The following FBXL13 variants were observed in gnomAD, a reference collection of about 807,000 sequenced individuals.
The protein encoded by FBXL13 is F-box and leucine rich repeat protein 13.
A neutral mutation model predicts 83.6 loss-of-function variants in FBXL13; 67 were observed. That is an observed-to-expected ratio of 0.80 (90% CI 0.66 to 0.98). The LOEUF (loss-of-function observed/expected upper bound fraction) is 0.98. Ranked by LOEUF, FBXL13 falls within the 50% of genes least tolerant of loss-of-function variation. The pLI, the probability that FBXL13 is intolerant of heterozygous loss-of-function variation, is 0.00. For missense variants in FBXL13, 822 were observed against 866.5 expected (o/e 0.95, Z 0.64); for synonymous variants, 272 against 299.5 (o/e 0.91, Z 0.95).
At chr7:103,017,363 C>A (rs551952953) in intron 6 of FBXL13, among the ~76,000 whole-genome samples, 1 of 151,898 alleles carries the variant, frequency 6.6e-6, no homozygotes, top group African/African-American at 2.4e-5. Flanking sequence ...GATAAAACCA[C>A]AAAGACGGGG....
intron 10 of FBXL13, among the ~76,000 whole-genome samples, chr7:102,915,730 TA>T (rs904693301): frequency 4.6e-4 from 51 of 110,864 alleles, no homozygotes; most frequent in African/African-American, 2.8e-3. Flanking sequence ...AATTACCAAA[TA>T]AAAAAACATT....
intron 2 of FBXL13, among the ~76,000 whole-genome samples, chr7:103,049,125 TTACTC>T (rs1796563284): frequency 6.6e-6 from 1 of 152,232 alleles, no homozygotes; most frequent in Non-Finnish European, 1.5e-5. Flanking sequence ...GGACAAGAAT[TTACTC>T]TACAAGATCC....
intron 8 of FBXL13, among the ~76,000 whole-genome samples, chr7:102,959,068 A>G (rs987710049): frequency 1.3e-5 from 2 of 152,162 alleles, no homozygotes; most frequent in Admixed American, 6.6e-5. Flanking sequence ...AATAGGCATG[A>G]ATGAAAATAA....
chr7:102,907,522 C>T (rs1407339824), intron 11 of FBXL13, among the ~76,000 whole-genome samples: 1 of 151,314 alleles, frequency 6.6e-6, no homozygotes, highest in Non-Finnish European at 1.5e-5. Flanking sequence ...ACCCTGTGTC[C>T]AAGTGTTCTT....
chr7:102,910,843 C>T (rs1402340691), intron 11 of FBXL13, among the ~76,000 whole-genome samples: 2 of 152,222 alleles, frequency 1.3e-5, no homozygotes, highest in African/African-American at 4.8e-5. Flanking sequence ...GCTGCAGCCT[C>T]AATCTCCCAA....
chr7:103,057,036 T>G (rs547760669), intron 1 of FBXL13, among the ~76,000 whole-genome samples: 16 of 152,282 alleles, frequency 1.1e-4, no homozygotes, highest in African/African-American at 3.8e-4. Flanking sequence ...GTTTGAGTTC[T>G]TTATAGATTC....
intron 8 of FBXL13, among the ~76,000 whole-genome samples, chr7:102,935,031 T>C (rs1820011816): frequency 6.6e-6 from 1 of 152,124 alleles, no homozygotes; most frequent in African/African-American, 2.4e-5. Context: ...TAAGTGCAAA[T>C]GCCATCTATA....
chr7:102,888,892 T>C (rs1055524391), intron 11 of FBXL13, among the ~76,000 whole-genome samples: 3 of 152,166 alleles, frequency 2.0e-5, no homozygotes, highest in African/African-American at 7.2e-5. Context: ...CTCTACCTCT[T>C]TCTTGCTTAT....
At chr7:102,994,613 CA>C (rs1174963896) in intron 6 of FBXL13, among the ~76,000 whole-genome samples, 1 of 152,068 alleles carries the variant, frequency 6.6e-6, no homozygotes, top group Non-Finnish European at 1.5e-5. Flanking sequence ...TCAGTGGAAA[CA>C]AAAGATACAT....
In FBXL13 at chr7:102,946,650, T is replaced by TTTTATTTATTTA. The variant is rs10570570; in HGVS notation, c.725-14729_725-14718dup. Among the ~76,000 whole-genome samples the TTTTATTTATTTA allele has an allele frequency of 8.4e-3, 1,187 of 140,974 alleles. 19 individuals carry two copies. Among genetic ancestry groups the TTTTATTTATTTA allele is most frequent in the African/African-American group, 0.027 (1,020 of 38,244 alleles). The allele number at this position is 140,974 out of a possible 152,430, so 92.5% of individuals were successfully genotyped here. A position where few individuals can be genotyped will look rare whatever the true frequency, so the allele number is the denominator to read the frequency against. ...TCTGGATTGTGAGTTTCTATTTTTA[T>TTTTATTTATTTA]TTTATTTATTTATTTATTTATTTAT... On this transcript the variant is annotated intron_variant, in intron 8 of 19. Coordinates refer to ENST00000313221, the Ensembl canonical transcript of FBXL13.
At chr7:102,979,562 T>C (rs139978458) in intron 6 of FBXL13, among the ~76,000 whole-genome samples, 80 of 152,286 alleles carry the variant, frequency 5.3e-4, no homozygotes, top group African/African-American at 1.9e-3. Context: ...TACCATACTA[T>C]ATGAGGGAAT....
chr7:103,071,518 G>A (rs963522814), intron 1 of FBXL13, among the ~76,000 whole-genome samples: 4 of 151,542 alleles, frequency 2.6e-5, no homozygotes, highest in African/African-American at 4.9e-5. Flanking sequence ...TGAGTAGCAG[G>A]GACTACAGGT....
At chr7:103,074,645 C>T (rs1799474151), upstream of FBXL13, 1 of 1,276,678 alleles carries the variant, frequency 7.8e-7, no homozygotes, top group South Asian at 1.2e-5. Context: ...ACTCCTCCCC[C>T]TTCTAACTCC....
At chr7:102,824,270 G>C (rs1799241843) in intron 18 of FBXL13, among the ~76,000 whole-genome samples, 2 of 151,954 alleles carry the variant, frequency 1.3e-5, no homozygotes, top group African/African-American at 2.4e-5. Context: ...TTGATTCCTT[G>C]AAAAAATGTT....
intron 6 of FBXL13, among the ~76,000 whole-genome samples, chr7:102,984,607 T>G (rs1429268850): frequency 6.6e-6 from 1 of 152,210 alleles, no homozygotes; most frequent in African/African-American, 2.4e-5. Context: ...GTTTTATTTA[T>G]TATAACTACT....
intron 8 of FBXL13, chr7:102,944,703 G>C: frequency 8.9e-7 from 1 of 1,122,082 alleles, no homozygotes; most frequent in Non-Finnish European, 1.2e-6. Flanking sequence ...GCCTATTTAT[G>C]CAGGGTAATC....
intron 2 of FBXL13, among the ~76,000 whole-genome samples, chr7:103,041,098 AAG>A: frequency 6.6e-6 from 1 of 152,284 alleles, no homozygotes; most frequent in Middle Eastern, 3.4e-3. Context: ...TAAAGAAGAA[AAG>A]AGAGAAGAAT....
chr7:103,035,277 G>C (rs1361842488), intron 2 of FBXL13, among the ~76,000 whole-genome samples: 1 of 152,168 alleles, frequency 6.6e-6, no homozygotes. Flanking sequence ...ACAGACACTA[G>C]GAGGAATTCT....
At chr7:102,847,629 T>G in intron 17 of FBXL13, among the ~76,000 whole-genome samples, 1 of 151,832 alleles carries the variant, frequency 6.6e-6, no homozygotes, top group East Asian at 1.9e-4. Flanking sequence ...TGGGTTCCAG[T>G]GATTCTCCTG....
Sources: allele counts gnomAD v4.1 joint callset (sites outside exome capture counted in the v4.1 genomes callset), GRCh38; gene constraint gnomAD v4.1.1; transcripts MANE v1.5; gene names NCBI Gene and HGNC (gene_info 2026-07-23, HGNC 2026-07-21).